The following RP1 variants were observed in gnomAD, a reference collection of about 807,000 sequenced individuals.
RP1 encodes the protein RP1 axonemal microtubule associated.
A neutral mutation model predicts 14.8 loss-of-function variants in RP1; 16 were observed. The ratio of observed to expected loss-of-function variants is 1.08; its 90% CI spans 0.73 to 1.65. The LOEUF is 1.65. RP1 is among the 40% of genes most tolerant of loss of function. The pLI is 0.00. For missense variants in RP1, 2,631 were observed against 2,535.0 expected (o/e 1.04, Z -0.81); for synonymous variants, 876 against 883.6 (o/e 0.99, Z 0.15).
chr8:54,631,257 G>T (rs1806240983), downstream of RP1, among the ~76,000 whole-genome samples: 1 of 152,098 alleles, frequency 6.6e-6, no homozygotes, highest in African/African-American at 2.4e-5. Context: ...ATCAGCTGGA[G>T]ACTACTTCTA....
exon 21 of RP1, chr8:54,755,674 G>T: frequency 6.5e-7 from 1 of 1,536,040 alleles, no homozygotes; most frequent in Non-Finnish European, 8.7e-7. Flanking sequence ...CAGAGACGGA[G>T]TCTGAGGTTT....
At chr8:54,688,794 A>G (rs1482458783) in intron 12 of RP1, among the ~76,000 whole-genome samples, 1 of 151,848 alleles carries the variant, frequency 6.6e-6, no homozygotes, top group African/African-American at 2.4e-5. Flanking sequence ...TTGGCAATGC[A>G]GCTATCTTTT....
At chr8:54,579,840 C>T (rs567270883) in intron 1 of RP1, among the ~76,000 whole-genome samples, 1 of 152,346 alleles carries the variant, frequency 6.6e-6, no homozygotes, top group South Asian at 2.1e-4. Context: ...ATCCCTTCCT[C>T]AGAATCAGCC....
chr8:54,585,750 T>C (rs1804905772), intron 1 of RP1, among the ~76,000 whole-genome samples: 1 of 152,360 alleles, frequency 6.6e-6, no homozygotes, highest in African/African-American at 2.4e-5. Context: ...ATTCATTTAA[T>C]CTTCCATCAC....
chr8:54,585,078 G>T lies in RP1; in HGVS notation c.-13+25758G>T, dbSNP rs184052657. On this transcript the variant is annotated intron_variant, in intron 1 of 22. Coordinates refer to the RP1 transcript ENST00000636932. ...CTGGTTATTTTGCTCGTTAGTTGATGCAGTTTCTTCCTAGCCTTGATGGTC... is the reference window on the plus strand; with the variant it reads ...CTGGTTATTTTGCTCGTTAGTTGATTCAGTTTCTTCCTAGCCTTGATGGTC... 5.3e-5 allele frequency among the ~76,000 whole-genome samples: 8 copies of T among 152,320 alleles called. No homozygotes were observed. In the East Asian group the frequency reaches 1.5e-3, roughly 29 times the overall value.
chr8:54,666,069 T>G (rs1189129681), intron 7 of RP1, among the ~76,000 whole-genome samples: 1 of 152,012 alleles, frequency 6.6e-6, no homozygotes, highest in Non-Finnish European at 1.5e-5. Flanking sequence ...TAGAGGCCAG[T>G]CCCTCAGGTA....
At chr8:54,633,513 G>A (rs1806288446), downstream of RP1, among the ~76,000 whole-genome samples, 1 of 152,074 alleles carries the variant, frequency 6.6e-6, no homozygotes, top group African/African-American at 2.4e-5. Flanking sequence ...AAGTTCTTAT[G>A]AAGAGCTACC....
chr8:54,652,610 A>C (rs992205008), intron 4 of RP1, among the ~76,000 whole-genome samples: 7 of 151,780 alleles, frequency 4.6e-5, no homozygotes, highest in Non-Finnish European at 8.8e-5. Context: ...GTTCTGTTAA[A>C]TTTTGCTTAT....
chr8:54,814,845 C>T, intron 24 of RP1, among the ~76,000 whole-genome samples: 1 of 152,250 alleles, frequency 6.6e-6, no homozygotes, highest in South Asian at 2.1e-4. Flanking sequence ...TCTTTGGAAA[C>T]ACCAACATGC....
At chr8:54,668,354 C>G (rs1232559067) in intron 7 of RP1, among the ~76,000 whole-genome samples, 1 of 152,090 alleles carries the variant, frequency 6.6e-6, no homozygotes, top group Non-Finnish European at 1.5e-5. Flanking sequence ...AACTACAAAC[C>G]ACTGTTCAAT....
chr8:54,858,023 G>A (rs1812246428), intron 27 of RP1, among the ~76,000 whole-genome samples: 1 of 152,120 alleles, frequency 6.6e-6, no homozygotes, highest in Non-Finnish European at 1.5e-5. Context: ...TTAAAGGCTA[G>A]AATTATGTAG....
chr8:54,572,096 C>T (rs573606335), intron 1 of RP1, among the ~76,000 whole-genome samples: 8 of 152,296 alleles, frequency 5.3e-5, no homozygotes, highest in South Asian at 2.1e-4. Flanking sequence ...CCTACTCACC[C>T]ATAATAAAGG....
chr8:54,691,655 TA>T (rs933221942), intron 12 of RP1, among the ~76,000 whole-genome samples: 6 of 151,822 alleles, frequency 4.0e-5, no homozygotes, highest in Non-Finnish European at 5.9e-5. Flanking sequence ...GATAGAACCC[TA>T]GGAACACCTT....
exon 29 of RP1, chr8:54,870,266 C>G (rs1812559402): frequency 4.7e-6 from 1 of 214,258 alleles, no homozygotes; most frequent in East Asian, 9.5e-5. Flanking sequence ...TTTCCTTTTT[C>G]TTTCAGAAAA....
intron 19 of RP1, among the ~76,000 whole-genome samples, chr8:54,743,529 G>A (rs1809148779): frequency 6.6e-6 from 1 of 152,058 alleles, no homozygotes; most frequent in African/African-American, 2.4e-5. Flanking sequence ...ATACCAGCGT[G>A]TACTTGCAGA....
At chr8:54,860,659 C>T (rs1485054248) in intron 27 of RP1, among the ~76,000 whole-genome samples, 1 of 152,172 alleles carries the variant, frequency 6.6e-6, no homozygotes, top group Non-Finnish European at 1.5e-5. Context: ...GACTGCGTCC[C>T]CAGGGTTCTT....
chr8:54,566,634 G>T (rs1804414385), intron 1 of RP1, among the ~76,000 whole-genome samples: 1 of 152,086 alleles, frequency 6.6e-6, no homozygotes, highest in Non-Finnish European at 1.5e-5. Flanking sequence ...TGTCTTAGTG[G>T]GTTAGTTCTT....
At chr8:54,646,293 T>G (rs1294360472) in intron 3 of RP1, among the ~76,000 whole-genome samples, 1 of 151,912 alleles carries the variant, frequency 6.6e-6, no homozygotes, top group African/African-American at 2.4e-5. Context: ...TCTCTCCTTC[T>G]CCTCCCCCTC....
At chr8:54,791,273 T>C (rs1328031383) in intron 24 of RP1, among the ~76,000 whole-genome samples, 1 of 151,894 alleles carries the variant, frequency 6.6e-6, no homozygotes, top group East Asian at 1.9e-4. Context: ...AATGGAGAAA[T>C]AAAGATTTCC....
Sources: gnomAD v4.1 joint callset for allele counts (sites outside exome capture counted in the v4.1 genomes callset) on GRCh38, gnomAD v4.1.1 for gene constraint, MANE v1.5 for transcripts, NCBI Gene and HGNC (gene_info 2026-07-23, HGNC 2026-07-21) for gene names.